Variants in DLGAP1 observed in about 807,000 individuals in gnomAD.
DLGAP1 encodes disks large-associated protein 1.
In DLGAP1, 11 loss-of-function variants were observed where a neutral mutation model predicts 90.8. The ratio of observed to expected loss-of-function variants is 0.12; its 90% confidence interval spans 0.08 to 0.20. The LOEUF (loss-of-function observed/expected upper bound fraction) is 0.20, where lower values mean the gene tolerates loss of function less well. Among genes scored for constraint, DLGAP1 ranks in the 10% least tolerant of loss-of-function variants. The pLI is 1.00. For missense variants in DLGAP1, 1,050 were observed against 1,333.8 expected, an observed-to-expected ratio of 0.79 and a Z score of 3.31; for synonymous variants, 558 against 540.7, an observed-to-expected ratio of 1.03 and a Z score of -0.44.
chr18:3,835,123 C>T (rs1459140101), intron 4 of DLGAP1, among the ~76,000 whole-genome samples: 3 of 152,120 alleles, frequency 2.0e-5, no homozygotes, highest in Non-Finnish European at 4.4e-5. Context: ...TCAGTCTGTA[C>T]CACTTATTTT....
intron 3 of DLGAP1, among the ~76,000 whole-genome samples, chr18:3,965,336 T>G (rs963077374): frequency 6.6e-6 from 1 of 152,200 alleles, no homozygotes; most frequent in Admixed American, 6.5e-5. Flanking sequence ...CAGACAAGGT[T>G]GACTTAAAAC....
intron 1 of DLGAP1, among the ~76,000 whole-genome samples, chr18:4,188,167 T>C (rs1157715920): frequency 6.6e-6 from 1 of 152,182 alleles, no homozygotes; most frequent in Admixed American, 6.5e-5. Flanking sequence ...AATTTTTGTA[T>C]TTCCGTGCTC....
chr18:3,977,737 T>C, intron 3 of DLGAP1: 1 of 334,676 alleles, frequency 3.0e-6, no homozygotes, highest in Non-Finnish European at 5.7e-6. Context: ...GACAAAGTGG[T>C]TGTTGAGGGC....
intron 2 of DLGAP1, among the ~76,000 whole-genome samples, chr18:4,100,940 G>C (rs1184993281): frequency 6.6e-6 from 1 of 152,194 alleles, no homozygotes; most frequent in Non-Finnish European, 1.5e-5. Context: ...TGGCTTAAGG[G>C]AATGTTGTGG....
In DLGAP1 at chr18:3,499,359, C is replaced by T; in HGVS notation, c.2760G>A (p.Pro920=). The T allele has an allele frequency of 6.4e-7, 1 of 1,551,904 alleles. No individual in the cohort carries two copies. Among genetic ancestry groups the T allele is most frequent in the South Asian group, 1.2e-5 (1 of 84,244 alleles). Reference sequence around the variant, plus strand: ...GGATCAGCGGCGCGGGGCCCTTCGCCGGCTTCTTTGGCACTGGAGGAGGGG... The same window carrying T: ...GGATCAGCGGCGCGGGGCCCTTCGCTGGCTTCTTTGGCACTGGAGGAGGGG... ...RRAPPPVPKK[P]AKGPAPLIRE... Residue 920 remains proline, a synonymous_variant, in exon 13 of 13, where the codon CCG becomes CCA. Coordinates refer to ENST00000315677, the MANE Select transcript of DLGAP1 (RefSeq NM_004746.4). The surrounding 1 kb of genome is among the most constrained non-coding windows in gnomAD (Gnocchi z 6.4).
chr18:4,006,914 C>T (rs1159385403), intron 2 of DLGAP1, among the ~76,000 whole-genome samples: 1 of 152,128 alleles, frequency 6.6e-6, no homozygotes, highest in Non-Finnish European at 1.5e-5. Context: ...TACTAAAGTG[C>T]TGGGATTACA....
chr18:4,026,896 G>A (rs923009726), intron 2 of DLGAP1, among the ~76,000 whole-genome samples: 1 of 152,172 alleles, frequency 6.6e-6, no homozygotes, highest in African/African-American at 2.4e-5. Flanking sequence ...CTAAGCTGCT[G>A]TTATTAAGAT....
intron 7 of DLGAP1, among the ~76,000 whole-genome samples, chr18:3,719,475 T>G (rs373781221): frequency 7.0e-6 from 1 of 143,542 alleles, no homozygotes; most frequent in Non-Finnish European, 1.5e-5. Context: ...GAGAATGGCA[T>G]GAACCTGGGA....
At chr18:3,769,483 T>C (rs1337688318) in intron 5 of DLGAP1, among the ~76,000 whole-genome samples, 1 of 152,140 alleles carries the variant, frequency 6.6e-6, no homozygotes, top group Non-Finnish European at 1.5e-5. Flanking sequence ...TCGCCCCAAA[T>C]TGCGCACAAC....
intron 7 of DLGAP1, among the ~76,000 whole-genome samples, chr18:3,675,100 C>G (rs997479313): frequency 6.6e-6 from 1 of 152,192 alleles, no homozygotes; most frequent in African/African-American, 2.4e-5. Flanking sequence ...GAGATGGAGT[C>G]TCACTTTGTC....
At chr18:3,783,156 G>A (rs1239396363) in intron 5 of DLGAP1, among the ~76,000 whole-genome samples, 1 of 152,120 alleles carries the variant, frequency 6.6e-6, no homozygotes, top group Non-Finnish European at 1.5e-5. Flanking sequence ...ATAAGAATAT[G>A]TTGTCCAGGA....
At chr18:3,684,052 T>C (rs2060614875) in intron 7 of DLGAP1, among the ~76,000 whole-genome samples, 2 of 152,074 alleles carry the variant, frequency 1.3e-5, no homozygotes, top group African/African-American at 4.8e-5. Flanking sequence ...AGAAACAAGG[T>C]GATGTTTGAT....
chr18:3,862,117 C>T (rs969084600), intron 4 of DLGAP1, among the ~76,000 whole-genome samples: 7 of 152,202 alleles, frequency 4.6e-5, no homozygotes, highest in African/African-American at 1.7e-4. Context: ...ATAATGGACA[C>T]TCCAAGGGCC....
chr18:4,374,213 A>T (rs1283116441), intron 1 of DLGAP1, among the ~76,000 whole-genome samples: 1 of 152,172 alleles, frequency 6.6e-6, no homozygotes, highest in Non-Finnish European at 1.5e-5. Flanking sequence ...CACTGTCTAG[A>T]GGACTATGGA....
intron 1 of DLGAP1, among the ~76,000 whole-genome samples, chr18:4,407,299 G>C (rs1044617858): frequency 6.6e-6 from 1 of 152,152 alleles, no homozygotes; most frequent in South Asian, 2.1e-4. Flanking sequence ...GGCTGCCCAA[G>C]TTTTTCCCTT....
chr18:4,080,794 C>T (rs2075594966), intron 2 of DLGAP1, among the ~76,000 whole-genome samples: 2 of 152,072 alleles, frequency 1.3e-5, no homozygotes, highest in African/African-American at 4.8e-5. Context: ...ACCATTCTTT[C>T]TGTAACCTCA....
chr18:4,449,604 G>A (rs1312180527), intron 1 of DLGAP1, among the ~76,000 whole-genome samples: 1 of 152,158 alleles, frequency 6.6e-6, no homozygotes, highest in East Asian at 1.9e-4. Flanking sequence ...CAGGTGCTGT[G>A]CTAGGCATCA....
chr18:4,280,066 T>C (rs1301462129), intron 1 of DLGAP1, among the ~76,000 whole-genome samples: 1 of 152,212 alleles, frequency 6.6e-6, no homozygotes, highest in East Asian at 1.9e-4. Flanking sequence ...TTTTTTTCAT[T>C]GATTTTGTTA....
At chr18:4,048,678 G>A (rs2075090641) in intron 2 of DLGAP1, among the ~76,000 whole-genome samples, 1 of 152,188 alleles carries the variant, frequency 6.6e-6, no homozygotes, top group Non-Finnish European at 1.5e-5. Flanking sequence ...TACCTGGGGA[G>A]GGTATGGGGA....
Sources: gnomAD v4.1 joint callset for allele counts (sites outside exome capture counted in the v4.1 genomes callset) on GRCh38, gnomAD v4.1.1 for gene constraint, Gnocchi (gnomAD v3.1) non-coding constraint, MANE v1.5 for transcripts, NCBI Gene and HGNC (gene_info 2026-07-23, HGNC 2026-07-21) for gene names.